The following EFCAB10 variants were observed in gnomAD, a reference collection of about 807,000 sequenced individuals.
EFCAB10 encodes the protein EF-hand calcium binding domain 10.
A neutral mutation model predicts 7.7 loss-of-function variants in EFCAB10; 7 were observed. The observed-to-expected ratio is 0.91, with a 90% CI of 0.52 to 1.72. The LOEUF (loss-of-function observed/expected upper bound fraction) is 1.72, where lower values mean the gene tolerates loss of function less well. EFCAB10 is among the 40% of genes most tolerant of loss of function. EFCAB10 has a pLI of 0.00. For missense variants in EFCAB10, 112 were observed against 61.5 expected (o/e 1.82, Z -2.74); for synonymous variants, 52 against 21.0 (o/e 2.47, Z -4.03).
chr7:105,572,623 A>G (rs1791978002), intron 1 of EFCAB10: 1 of 152,222 alleles, frequency 6.6e-6, no homozygotes, highest in Non-Finnish European at 1.5e-5. Flanking sequence ...GGTTGTACTA[A>G]TTCACAATCC....
intron 1 of EFCAB10, among the ~76,000 whole-genome samples, chr7:105,575,786 C>G (rs899735792): frequency 6.6e-6 from 1 of 152,052 alleles, no homozygotes; most frequent in Non-Finnish European, 1.5e-5. Context: ...GCCTGTAATC[C>G]CAGCACTTTG....
At chr7:105,567,212 C>A in intron 4 of EFCAB10, 1 of 1,613,132 alleles carries the variant, frequency 6.2e-7, no homozygotes, top group Non-Finnish European at 8.5e-7. Flanking sequence ...AGCTTCCTGC[C>A]ACAGCAGCAT....
intron 1 of EFCAB10, among the ~76,000 whole-genome samples, chr7:105,580,359 A>G (rs1792192819): frequency 6.6e-6 from 1 of 152,168 alleles, no homozygotes; most frequent in Non-Finnish European, 1.5e-5. Context: ...TGTAGCAGAC[A>G]CGAGGTTTCA....
intron 1 of EFCAB10, among the ~76,000 whole-genome samples, chr7:105,575,897 C>T (rs1467117839): frequency 6.6e-6 from 1 of 151,932 alleles, no homozygotes; most frequent in Non-Finnish European, 1.5e-5. Context: ...ATTAGCCAGG[C>T]ATGGTGGCAC....
At position 105,581,363 on chromosome 7, in the gene EFCAB10, C is replaced by T. The variant is rs747442747; in HGVS notation, c.101G>A (p.Arg34Gln). ...CGGGGCATGGGGGCCCTTACCCGGC[C>T]GAAAGAAAAGGAGGGCGCTGGTGAG... Reference protein sequence around the residue: ...SYLTSALLFFRPEKPKEYLIS... With the variant: ...SYLTSALLFFQPEKPKEYLIS... The change falls in exon 1 of 5, where the codon CGG (arginine) becomes CAG (glutamine). Residue 34 changes from arginine to glutamine, a missense_variant. Transcript: ENST00000480514. The T allele has an allele frequency of 1.3e-5, 9 of 702,904 alleles. No individual in the cohort carries two copies. Among genetic ancestry groups the T allele is most frequent in the South Asian group, 1.0e-4 (7 of 67,582 alleles). The allele number at this position is 702,904 out of a possible 1,614,324, so 43.5% of individuals were successfully genotyped here. A position where few individuals can be genotyped will look rare whatever the true frequency, so the allele number is the denominator to read the frequency against.
intron 1 of EFCAB10, chr7:105,572,173 C>G (rs1220605137): frequency 6.6e-6 from 1 of 152,148 alleles, no homozygotes; most frequent in African/African-American, 2.4e-5. Context: ...CCTCTTTTGT[C>G]TGAAATTTTG....
In EFCAB10 at chr7:105,565,648, A is replaced by G. The variant is rs1791692720; in HGVS notation, c.*-201T>C. 6.4e-7 allele frequency: 1 copy of G among 1,552,804 alleles called. No homozygotes were observed. Among genetic ancestry groups the G allele is most frequent in the Middle Eastern group, 1.9e-4 (1 of 5,204 alleles). On this transcript the variant is annotated intron_variant, in intron 4 of 4. Transcript: ENST00000480514. Reference sequence around the variant, plus strand: ...AAGAGACCAGAAAATTATTTTAAACAGTAAGCTCAACATTTAACAATTAAT... The same window carrying G: ...AAGAGACCAGAAAATTATTTTAAACGGTAAGCTCAACATTTAACAATTAAT...
In EFCAB10 at chr7:105,581,379, C is replaced by G; in HGVS notation, c.85G>C (p.Ala29Pro). The G allele has an allele frequency of 1.4e-6, 1 of 702,974 alleles. No individual in the cohort carries two copies. The highest frequency in any genetic ancestry group is 2.6e-6 in the Non-Finnish European group (1 of 384,978). The allele number at this position is 702,974 out of a possible 1,614,324, so 43.5% of individuals were successfully genotyped here. A position where few individuals can be genotyped will look rare whatever the true frequency, so the allele number is the denominator to read the frequency against. Residue 29 changes from alanine (A) to proline (P), a missense_variant, in exon 1 of 5, where the codon GCC becomes CCC. Physicochemically the swap from Ala to Pro is conservative, Grantham distance 27 (BLOSUM62 -1). Coordinates refer to ENST00000480514, the MANE Select transcript of EFCAB10 (RefSeq NM_001355526.2). The stretch of plus-strand genomic sequence containing the variant: ...TTACCCGGCCGAAAGAAAAGGAGGG[C>G]GCTGGTGAGGTAGCTAACCACCTCC... ...IKEVVSYLTS[A>P]LLFFRPEKPK...
At chr7:105,570,573 TA>T (rs1486783147) in intron 1 of EFCAB10, among the ~76,000 whole-genome samples, 1 of 151,848 alleles carries the variant, frequency 6.6e-6, no homozygotes, top group Non-Finnish European at 1.5e-5. Context: ...GCTTTACTCT[TA>T]CATTTTTTTT....
chr7:105,570,227 AAAAAAAAAAAAAAAT>A (rs1791902339), intron 1 of EFCAB10, among the ~76,000 whole-genome samples: 1 of 70,286 alleles, frequency 1.4e-5, no homozygotes, highest in African/African-American at 6.8e-5. Context: ...AAAAAAAAAA[AAAAAAAAAAAAAAAT>A]ATATATATAT....
rs540337515 is a variant in EFCAB10, at chr7:105,573,004, ATTTTT to A, written c.107-3438_107-3434del. The A allele has an allele frequency of 4.9e-5, 7 of 144,248 alleles. No homozygotes were observed. The Admixed American group carries it at 4.9e-4, about 10-fold the overall frequency. 8.9% of individuals were successfully genotyped at this position (144,248 alleles called of 1,614,324 possible). ...ATGTCCTTTGCCCATTAAAAAAAAA[ATTTTT>A]TTTTTTTTTTAACTATTGAGGTCTG... On this transcript the variant is annotated intron_variant, in intron 1 of 4. Transcript: ENST00000480514.
At chr7:105,566,115 CAA>C (rs5886358) in intron 4 of EFCAB10, among the ~76,000 whole-genome samples, 183 of 147,530 alleles carry the variant, frequency 1.2e-3, no homozygotes, top group African/African-American at 1.2e-3. Context: ...CTAAAAATAC[CAA>C]AAAAAAAAAA....
At position 105,579,940 on chromosome 7, in the gene EFCAB10, G is replaced by A. The variant is rs115375484; in HGVS notation, c.106+1418C>T. Among the ~76,000 whole-genome samples, 609 of 151,906 alleles carry A rather than the reference G, an allele frequency of 4.0e-3. 7 individuals are homozygous for A. The highest frequency in any genetic ancestry group is 0.014 in the African/African-American group (589 of 41,444). On this transcript the variant is annotated intron_variant, in intron 1 of 4. Coordinates refer to ENST00000480514, the MANE Select transcript of EFCAB10 (RefSeq NM_001355526.2). ...AATGTTGACAAATATTTTATATAAC[G>A]AATGTAACATAATATATCCCTTGTT...
At chr7:105,573,046 A>G (rs528671708) in intron 1 of EFCAB10, 1 of 150,058 alleles carries the variant, frequency 6.7e-6, no homozygotes, top group Non-Finnish European at 1.5e-5. Flanking sequence ...CATGTTTTGG[A>G]TATTAACCCC....
At chr7:105,579,219 C>G (rs139362170) in intron 1 of EFCAB10, among the ~76,000 whole-genome samples, 2 of 152,200 alleles carry the variant, frequency 1.3e-5, no homozygotes, top group Non-Finnish European at 2.9e-5. Flanking sequence ...TGAGGGATTA[C>G]TGGCTGTGCC....
intron 1 of EFCAB10, among the ~76,000 whole-genome samples, chr7:105,570,083 G>A (rs1791896820): frequency 1.3e-5 from 2 of 150,076 alleles, no homozygotes; most frequent in South Asian, 4.2e-4. Context: ...GCGTGGTGGT[G>A]CATGCCTGTA....
rs1344560234 is a variant in EFCAB10 at position 105,565,444 on chromosome 7, A to T, written c.*3T>A. On this transcript the variant is annotated 3_prime_UTR_variant, in exon 5 of 5. Transcript: ENST00000480514. ...ATGCTTGTAGAGAAGCTGGATGTAT[A>T]CATCTACCAAGAAGTAAGTAAGAAT... 6.2e-7 allele frequency: 1 copy of T among 1,613,968 alleles called. No individual in the cohort carries two copies. Among genetic ancestry groups the T allele is most frequent in the Admixed American group, 1.7e-5 (1 of 59,988 alleles).
rs1792101276 is a variant in EFCAB10, at chr7:105,577,152, C to T, written c.106+4206G>A. Reference sequence around the variant, plus strand: ...TTAATGTATGAGTATTCCCAGACTTCCCTTCCACCAAAGAGAATTTTGTCT... The same window carrying T: ...TTAATGTATGAGTATTCCCAGACTTTCCTTCCACCAAAGAGAATTTTGTCT... On this transcript the variant is annotated intron_variant, in intron 1 of 4. Transcript: ENST00000480514. Among the ~76,000 whole-genome samples the T allele has an allele frequency of 2.6e-5, 4 of 152,186 alleles. No individual in the cohort carries two copies. The South Asian group carries it at 8.3e-4, about 32-fold the overall frequency.
At chr7:105,573,681 A>G (rs999195405) in intron 1 of EFCAB10, 4 of 152,204 alleles carry the variant, frequency 2.6e-5, no homozygotes, top group African/African-American at 9.6e-5. Flanking sequence ...CAGGTTCAAC[A>G]TCTTAATCAT....
Sources: allele counts gnomAD v4.1 joint callset (sites outside exome capture counted in the v4.1 genomes callset), GRCh38; gene constraint gnomAD v4.1.1; transcripts MANE v1.5; gene names NCBI Gene and HGNC (gene_info 2026-07-23, HGNC 2026-07-21).